The following ACADM variants were observed in gnomAD, a reference collection of about 807,000 sequenced individuals.
ACADM encodes the protein medium-chain specific acyl-CoA dehydrogenase, mitochondrial.
ACADM carries 49 observed loss-of-function variants against 58.9 expected under a neutral mutation model. The observed-to-expected ratio is 0.83, with a 90% CI of 0.66 to 1.06. ACADM has a LOEUF of 1.06. ACADM is among the 50% of genes least tolerant of loss of function. ACADM has a pLI of 0.00. For synonymous variants in ACADM, 160 were observed against 157.7 expected, an observed-to-expected ratio of 1.01 and a Z score of -0.11; for missense variants, 496 against 507.0, an observed-to-expected ratio of 0.98 and a Z score of 0.21.
chr1:75,745,828 G>T lies in ACADM; in HGVS notation c.622G>T (p.Asp208Tyr), dbSNP rs983879715. ...TAGGTATTTTTTATTGGCACGTTCTGATCCAGATCCTAAAGCTCCTGCTAA... is the reference window on the plus strand; with the variant it reads ...TAGGTATTTTTTATTGGCACGTTCTTATCCAGATCCTAAAGCTCCTGCTAA... ...ANWYFLLARS[D>Y]PDPKAPANKA... Residue 208 changes from aspartate to tyrosine, a missense_variant, in exon 8 of 12, where the codon GAT becomes TAT. Asp to Tyr is a radical substitution (Grantham distance 160). Transcript: ENST00000370841. 1.9e-6 allele frequency: 3 copies of T among 1,613,760 alleles called. No homozygotes were observed. Among genetic ancestry groups the T allele is most frequent in the Non-Finnish European group, 1.7e-6 (2 of 1,179,842 alleles).
chr1:75,762,138 T>C (rs942671369), intron 11 of ACADM, among the ~76,000 whole-genome samples: 1 of 152,218 alleles, frequency 6.6e-6, no homozygotes, highest in Non-Finnish European at 1.5e-5. Flanking sequence ...ATTATAATTA[T>C]TACTATTATT....
At chr1:75,729,334 A>G (rs1345239855) in intron 2 of ACADM, among the ~76,000 whole-genome samples, 2 of 65,252 alleles carry the variant, frequency 3.1e-5, no homozygotes, top group African/African-American at 6.8e-5. Context: ...TCATTGTCTC[A>G]TTATGTTGCC....
intron 5 of ACADM, 192 bp from the exon 6 acceptor site, chr1:75,734,599 C>T (rs1647208992): frequency 1.8e-6 from 1 of 570,208 alleles, no homozygotes; most frequent in Admixed American, 3.0e-5. Flanking sequence ...TACATATAAC[C>T]TAATTTTATG....
intron 6 of ACADM, 117 bp from the exon 7 acceptor site, chr1:75,739,863 T>G (rs1033841255): frequency 2.7e-6 from 2 of 730,442 alleles, no homozygotes; most frequent in African/African-American, 3.6e-5. Flanking sequence ...CATTTTAATT[T>G]TAGATATTTA....
At chr1:75,752,193 A>T (rs1034114276) in intron 10 of ACADM, among the ~76,000 whole-genome samples, 1 of 151,812 alleles carries the variant, frequency 6.6e-6, no homozygotes, top group African/African-American at 2.4e-5. Flanking sequence ...TGTTGCCCAG[A>T]CTGGTCTCAA....
intron 10 of ACADM, among the ~76,000 whole-genome samples, chr1:75,758,840 G>T (rs1169317851): frequency 6.6e-6 from 1 of 152,158 alleles, no homozygotes; most frequent in East Asian, 1.9e-4. Flanking sequence ...GGACCAATCA[G>T]CAGGATATGG....
At position 75,761,339 on chromosome 1, in the gene ACADM, A is replaced by G. The variant is rs746822292; in HGVS notation, c.1163A>G (p.Glu388Gly). 1 of 1,614,056 alleles carries G rather than the reference A, an allele frequency of 6.2e-7. No individual in the cohort carries two copies. Among genetic ancestry groups the G allele is most frequent in the Non-Finnish European group, 8.5e-7 (1 of 1,179,964 alleles). Residue 388 changes from glutamate (E) to glycine (G), a missense_variant, in exon 11 of 12, where the codon GAA (glutamate) becomes GGA (glycine). By Grantham distance (98) the Glu-to-Gly change is moderately conservative. Coordinates refer to ENST00000370841, the MANE Select transcript of ACADM (RefSeq NM_000016.6). ...GNGFNTEYPV[E>G]KLMRDAKIYQ... ...GGATTTAATACAGAATATCCTGTAGAAAAACTAATGAGGGATGCCAAAATC... is the reference window on the plus strand; with the variant it reads ...GGATTTAATACAGAATATCCTGTAGGAAAACTAATGAGGGATGCCAAAATC...
At chr1:75,742,184 C>T (rs1383105054) in intron 7 of ACADM, among the ~76,000 whole-genome samples, 1 of 141,986 alleles carries the variant, frequency 7.0e-6, no homozygotes, top group African/African-American at 2.6e-5. Flanking sequence ...CTTCTTGGCT[C>T]AAGATACAAA....
rs12403903 is a variant in ACADM at position 75,754,252 on chromosome 1, G to C, written c.945+3706G>C. Among the ~76,000 whole-genome samples the C allele has an allele frequency of 2.1e-3, 309 of 147,954 alleles. 2 individuals carry two copies. The highest frequency in any genetic ancestry group is 7.2e-3 in the African/African-American group (288 of 40,022). On this transcript the variant is annotated intron_variant, in intron 10 of 11. Transcript: ENST00000370841. ...AGACGGAGTCTTACTCTGTTGCCCA[G>C]GCTGGAGTGCAGTGGTGCGATCTCT...
chr1:75,733,299 C>T, intron 4 of ACADM: 1 of 1,173,738 alleles, frequency 8.5e-7, no homozygotes. Flanking sequence ...CAAGTTAGAA[C>T]AGGAATACAG....
chr1:75,752,753 G>A (rs1570896625), intron 10 of ACADM, among the ~76,000 whole-genome samples: 1 of 151,688 alleles, frequency 6.6e-6, no homozygotes, highest in East Asian at 1.9e-4. Context: ...TCAATTCTTT[G>A]GGTGCTAATC....
At chr1:75,731,810 A>C (rs1049215047) in intron 2 of ACADM, among the ~76,000 whole-genome samples, 6 of 152,234 alleles carry the variant, frequency 3.9e-5, no homozygotes, top group Admixed American at 3.9e-4. Flanking sequence ...GGATTGCTTG[A>C]GGCCACGAGT....
intron 6 of ACADM, among the ~76,000 whole-genome samples, chr1:75,736,048 A>G (rs576621635): frequency 7.2e-5 from 11 of 152,266 alleles, no homozygotes; most frequent in Non-Finnish European, 2.9e-5. Flanking sequence ...AAGAAATAGC[A>G]ACTTATTTGT....
chr1:75,735,472 A>G (rs1024696655), intron 6 of ACADM, among the ~76,000 whole-genome samples: 1 of 152,166 alleles, frequency 6.6e-6, no homozygotes, highest in Admixed American at 6.6e-5. Flanking sequence ...AGCATTCTAC[A>G]CTTTAAGAAC....
chr1:75,747,609 G>T (rs1483505592), intron 8 of ACADM, among the ~76,000 whole-genome samples: 1 of 152,110 alleles, frequency 6.6e-6, no homozygotes, highest in East Asian at 1.9e-4. Context: ...AACATATTGA[G>T]ACTTTACCTC....
rs1214106872 is a variant in ACADM at position 75,745,465 on chromosome 1, AAC to A, written c.600-339_600-338del. On this transcript the variant is annotated intron_variant, in intron 7 of 11. Transcript: ENST00000370841. ...CATGCCACTGTACTCCAGCCTGCGC[AAC>A]AGAGTGAGATCTTGTCTAAAAAAAA... 2.3e-5 allele frequency: 6 copies of A among 259,718 alleles called. No homozygotes were observed. The East Asian group carries it at 5.5e-4, about 24-fold the overall frequency. The allele number at this position is 259,718 out of a possible 1,614,324, so 16.1% of individuals were successfully genotyped here.
chr1:75,746,338 G>A (rs1387521041), intron 8 of ACADM, among the ~76,000 whole-genome samples: 1 of 152,094 alleles, frequency 6.6e-6, no homozygotes, highest in East Asian at 1.9e-4. Flanking sequence ...ATTTTACTAG[G>A]TCATACAACA....
At chr1:75,759,139 C>T (rs777275646) in intron 10 of ACADM, among the ~76,000 whole-genome samples, 5 of 152,008 alleles carry the variant, frequency 3.3e-5, no homozygotes, top group East Asian at 3.9e-4. Flanking sequence ...TGTAACACCG[C>T]GAAGGTCTGT....
chr1:75,763,578 G>C lies in ACADM; in HGVS notation c.*815G>C, dbSNP rs1230530897. The C allele has an allele frequency of 2.0e-5, 3 of 151,742 alleles. No homozygotes were observed. In the East Asian group the frequency reaches 5.8e-4, roughly 29 times the overall value. The allele number at this position is 151,742 out of a possible 1,614,324, so 9.4% of individuals were successfully genotyped here. A position where few individuals can be genotyped will look rare whatever the true frequency, so the allele number is the denominator to read the frequency against. On this transcript the variant is annotated 3_prime_UTR_variant, in exon 12 of 12. Coordinates refer to ENST00000370841, the MANE Select transcript of ACADM (RefSeq NM_000016.6). Reference sequence around the variant, plus strand: ...TCTTGTATTTACTATGATGAAAAAAGGTCGTTTTAATTTTGAATTGAATAA... The same window carrying C: ...TCTTGTATTTACTATGATGAAAAAACGTCGTTTTAATTTTGAATTGAATAA...
Sources: allele counts gnomAD v4.1 joint callset (sites outside exome capture counted in the v4.1 genomes callset), GRCh38; gene constraint gnomAD v4.1.1; transcripts MANE v1.5; gene names NCBI Gene and HGNC (gene_info 2026-07-23, HGNC 2026-07-21).